The following ADAMTS3 variants were observed in gnomAD, a reference collection of about 807,000 sequenced individuals.
ADAMTS3 encodes ADAM metallopeptidase with thrombospondin type 1 motif 3.
ADAMTS3 carries 73 observed loss-of-function variants against 129.0 expected under a neutral mutation model. The observed-to-expected ratio is 0.57, with a 90% CI of 0.47 to 0.69. ADAMTS3 has a LOEUF of 0.69. Among genes scored for constraint, ADAMTS3 ranks in the 30% least tolerant of loss-of-function variants. The pLI, the probability that ADAMTS3 is intolerant of heterozygous loss-of-function variation, is 0.00. For missense variants in ADAMTS3, 1,457 were observed against 1,514.5 expected (o/e 0.96, Z 0.63); for synonymous variants, 477 against 510.8 (o/e 0.93, Z 0.89).
chr4:72,313,487 CACTG>C (rs1719300405), intron 12 of ADAMTS3, among the ~76,000 whole-genome samples, 186 bp downstream of exon 12: 1 of 152,194 alleles, frequency 6.6e-6, no homozygotes, highest in Non-Finnish European at 1.5e-5. Flanking sequence ...TCTTCTTCAT[CACTG>C]ACTGCTTGTC....
chr4:72,337,114 T>C (rs1578593630), intron 5 of ADAMTS3, among the ~76,000 whole-genome samples: 1 of 151,872 alleles, frequency 6.6e-6, no homozygotes, highest in African/African-American at 2.4e-5. Context: ...AGGGGAGGAG[T>C]GTTATTCTTA....
intron 17 of ADAMTS3, 143 bp downstream of exon 17, chr4:72,303,774 A>G (rs56285677): frequency 0.23 from 171,640 of 754,490 alleles, 22,643 homozygotes; most frequent in East Asian, 0.48. Context: ...GAGTGGGGGG[A>G]AAGATAAATG....
intron 4 of ADAMTS3, among the ~76,000 whole-genome samples, chr4:72,362,523 A>G (rs1720756591): frequency 6.6e-6 from 1 of 152,098 alleles, no homozygotes; most frequent in African/African-American, 2.4e-5. Flanking sequence ...GGACATTTCC[A>G]TTTTCTTTCT....
In ADAMTS3 at chr4:72,530,070, A is replaced by ATATTAT. The variant is rs1720954329; in HGVS notation, c.504+18407_504+18408insATAATA. ...TATTTATATATAATATGTTATATAT[A>ATATTAT]ACATATTATATTTATATATAATATG... On this transcript the variant is annotated intron_variant, in intron 3 of 21. Coordinates refer to ENST00000286657, the MANE Select transcript of ADAMTS3 (RefSeq NM_014243.3). Among the ~76,000 whole-genome samples, 2 of 4,402 alleles carry ATATTAT rather than the reference A, an allele frequency of 4.5e-4. 1 individual carries two copies. The highest frequency in any genetic ancestry group is 6.9e-4 in the Non-Finnish European group (2 of 2,906). The allele number at this position is 4,402 out of a possible 152,430, so 2.9% of individuals were successfully genotyped here. A position where few individuals can be genotyped will look rare whatever the true frequency, so the allele number is the denominator to read the frequency against.
chr4:72,436,317 C>G (rs1017571556), intron 3 of ADAMTS3, among the ~76,000 whole-genome samples: 2 of 152,098 alleles, frequency 1.3e-5, no homozygotes, highest in African/African-American at 4.8e-5. Flanking sequence ...TACCATCTCA[C>G]GCCAGTTAGA....
chr4:72,526,383 C>T (rs1270759162), intron 3 of ADAMTS3, among the ~76,000 whole-genome samples: 1 of 152,102 alleles, frequency 6.6e-6, no homozygotes, highest in Non-Finnish European at 1.5e-5. Context: ...TAGAAAACAG[C>T]TCAGTTCCAC....
intron 5 of ADAMTS3, among the ~76,000 whole-genome samples, chr4:72,328,133 T>C (rs138351793): frequency 2.9e-3 from 446 of 152,294 alleles, no homozygotes; most frequent in Admixed American, 5.2e-3. Context: ...AGCCAACCTA[T>C]TGGACCATGG....
chr4:72,461,108 C>A (rs1367741145), intron 3 of ADAMTS3, among the ~76,000 whole-genome samples: 1 of 151,796 alleles, frequency 6.6e-6, no homozygotes, highest in East Asian at 1.9e-4. Context: ...AACAGCTTTG[C>A]TCCCAATACG....
intron 4 of ADAMTS3, among the ~76,000 whole-genome samples, chr4:72,410,343 C>T (rs1447855515): frequency 6.6e-6 from 1 of 152,156 alleles, no homozygotes; most frequent in Non-Finnish European, 1.5e-5. Flanking sequence ...CACGCCTTCA[C>T]AGCACCATGA....
chr4:72,348,025 A>T (rs1720333002), intron 4 of ADAMTS3, among the ~76,000 whole-genome samples: 1 of 152,216 alleles, frequency 6.6e-6, no homozygotes, highest in Non-Finnish European at 1.5e-5. Context: ...ATTAATAAAA[A>T]TGTAAATAAG....
intron 19 of ADAMTS3, among the ~76,000 whole-genome samples, chr4:72,293,527 T>A (rs1718730052): frequency 6.6e-6 from 1 of 152,124 alleles, no homozygotes; most frequent in African/African-American, 2.4e-5. Context: ...TAAACTGGCT[T>A]ACACTCCCTA....
chr4:72,440,708 G>A (rs1239078297), intron 3 of ADAMTS3, among the ~76,000 whole-genome samples: 1 of 151,662 alleles, frequency 6.6e-6, no homozygotes, highest in Non-Finnish European at 1.5e-5. Context: ...ACAGCACAGT[G>A]CAGCTGAGAA....
chr4:72,326,710 G>T (rs1316382943), intron 5 of ADAMTS3, among the ~76,000 whole-genome samples: 1 of 152,026 alleles, frequency 6.6e-6, no homozygotes, highest in Non-Finnish European at 1.5e-5. Context: ...AAAAAAAATT[G>T]TGAGTGTATT....
intron 3 of ADAMTS3, among the ~76,000 whole-genome samples, chr4:72,476,030 C>G (rs960529464): frequency 3.3e-5 from 5 of 151,690 alleles, no homozygotes; most frequent in Non-Finnish European, 5.9e-5. Context: ...AGAAAAATCT[C>G]GAATCAATAA....
chr4:72,567,263 A>T (rs1722040746), intron 2 of ADAMTS3, 111 bp downstream of exon 2: 3 of 1,083,982 alleles, frequency 2.8e-6, no homozygotes, highest in Non-Finnish European at 4.1e-6. Context: ...ACTACAGATT[A>T]TTTTTTTTAA....
chr4:72,547,566 C>T (rs1721498343), intron 3 of ADAMTS3, among the ~76,000 whole-genome samples: 1 of 152,132 alleles, frequency 6.6e-6, no homozygotes, highest in Non-Finnish European at 1.5e-5. Context: ...TTTCTGATGT[C>T]CAGAATGGGC....
intron 3 of ADAMTS3, among the ~76,000 whole-genome samples, chr4:72,504,229 T>C (rs1462345977): frequency 6.6e-6 from 1 of 152,184 alleles, no homozygotes; most frequent in Admixed American, 6.5e-5. Context: ...GCAGGTATTG[T>C]TTTATCATTT....
chr4:72,449,927 C>G (rs995112944), intron 3 of ADAMTS3, among the ~76,000 whole-genome samples: 1 of 151,650 alleles, frequency 6.6e-6, no homozygotes. Flanking sequence ...GCCTTAGTCA[C>G]TTCTTGTCAT....
At chr4:72,414,199 C>T (rs1722249850) in intron 4 of ADAMTS3, among the ~76,000 whole-genome samples, 1 of 151,582 alleles carries the variant, frequency 6.6e-6, no homozygotes, top group African/African-American at 2.4e-5. Flanking sequence ...ATAAGCATAT[C>T]TCCTTAATAG....
Sources: allele counts gnomAD v4.1 joint callset (sites outside exome capture counted in the v4.1 genomes callset), GRCh38; gene constraint gnomAD v4.1.1; transcripts MANE v1.5; gene names NCBI Gene and HGNC (gene_info 2026-07-23, HGNC 2026-07-21).